SEM1: variants seen among roughly 807,000 people sequenced by gnomAD.
SEM1 encodes the protein 26S proteasome complex subunit SEM1.
Under a neutral mutation model 12.7 loss-of-function variants are expected in SEM1, and 3 were observed. That is an observed-to-expected ratio of 0.24 (90% CI 0.11 to 0.61). The LOEUF (loss-of-function observed/expected upper bound fraction) is 0.61. Ranked by LOEUF, SEM1 falls within the 20% of genes least tolerant of loss-of-function variation. SEM1 has a pLI of 0.88. For missense variants in SEM1, 59 were observed against 81.3 expected, an observed-to-expected ratio of 0.73 and a Z score of 1.06; for synonymous variants, 30 against 27.8, an observed-to-expected ratio of 1.08 and a Z score of -0.25.
chr7:96,652,345 G>T (rs1809026800), intron 2 of SEM1, among the ~76,000 whole-genome samples: 1 of 151,910 alleles, frequency 6.6e-6, no homozygotes, highest in African/African-American at 2.4e-5. Context: ...CTACATTAAG[G>T]ATGCAAATTA....
chr7:96,583,230 T>C (rs1278368379), intron 2 of SEM1, among the ~76,000 whole-genome samples: 8 of 148,702 alleles, frequency 5.4e-5, no homozygotes, highest in East Asian at 2.0e-4. Flanking sequence ...TCGTTATGTA[T>C]CCAGTAGTCA....
intron 2 of SEM1, among the ~76,000 whole-genome samples, chr7:96,659,179 C>T (rs1809284174): frequency 6.6e-6 from 1 of 151,540 alleles, no homozygotes; most frequent in Non-Finnish European, 1.5e-5. Context: ...AAATAAAAAG[C>T]AAAATAAAAA....
intron 1 of SEM1, among the ~76,000 whole-genome samples, chr7:96,707,117 A>G (rs999785289): frequency 2.0e-5 from 3 of 152,210 alleles, no homozygotes; most frequent in Non-Finnish European, 4.4e-5. Flanking sequence ...TAAAGCCCAC[A>G]CTGATTAAGT....
intron 2 of SEM1, among the ~76,000 whole-genome samples, chr7:96,680,209 C>A (rs1413986965): frequency 6.6e-6 from 1 of 152,162 alleles, no homozygotes; most frequent in South Asian, 2.1e-4. Context: ...GATATACACT[C>A]TTTTTTAGCT....
chr7:96,600,307 G>A (rs945250513), intron 2 of SEM1, among the ~76,000 whole-genome samples: 2 of 152,152 alleles, frequency 1.3e-5, no homozygotes, highest in African/African-American at 4.8e-5. Flanking sequence ...TTTGAGAACA[G>A]ACTCCAGAAT....
At chr7:96,641,492 G>A (rs1808608390) in intron 2 of SEM1, among the ~76,000 whole-genome samples, 1 of 151,980 alleles carries the variant, frequency 6.6e-6, no homozygotes, top group African/African-American at 2.4e-5. Context: ...GCTTTTCCCT[G>A]AGCACAAGAA....
intron 2 of SEM1, among the ~76,000 whole-genome samples, chr7:96,567,090 C>T (rs1466892955): frequency 6.6e-6 from 1 of 151,504 alleles, no homozygotes; most frequent in Non-Finnish European, 1.5e-5. Context: ...TTCTAAATTG[C>T]TCCCTACTCT....
intron 2 of SEM1, among the ~76,000 whole-genome samples, chr7:96,613,758 G>C (rs1032649402): frequency 6.6e-6 from 1 of 152,070 alleles, no homozygotes; most frequent in Non-Finnish European, 1.5e-5. Flanking sequence ...CTTTGAGTTT[G>C]ACATTTATAG....
At chr7:96,615,609 T>C (rs1807693777) in intron 2 of SEM1, among the ~76,000 whole-genome samples, 1 of 152,224 alleles carries the variant, frequency 6.6e-6, no homozygotes, top group South Asian at 2.1e-4. Flanking sequence ...TAAATTTTTA[T>C]GTATTTAGGA....
At chr7:96,522,891 CAAAAAAAAAAA>C (rs540895823) in intron 2 of SEM1, among the ~76,000 whole-genome samples, 1 of 87,686 alleles carries the variant, frequency 1.1e-5, no homozygotes, top group African/African-American at 4.7e-5. Flanking sequence ...AACTCCATCT[CAAAAAAAAAAA>C]AAAAAAAAAG....
chr7:96,495,884 C>T (rs1369959617), intron 1 of SEM1, among the ~76,000 whole-genome samples: 1 of 152,050 alleles, frequency 6.6e-6, no homozygotes, highest in East Asian at 1.9e-4. Flanking sequence ...ACACTCAGAC[C>T]TGCAACCTGA....
At chr7:96,493,496 A>T (rs1339668024) in intron 1 of SEM1, among the ~76,000 whole-genome samples, 3 of 152,000 alleles carry the variant, frequency 2.0e-5, no homozygotes, top group Non-Finnish European at 4.4e-5. Context: ...TATCCTCAAG[A>T]TTGGGTTATT....
chr7:96,604,113 C>T (rs182759842), intron 2 of SEM1, among the ~76,000 whole-genome samples: 157 of 152,218 alleles, frequency 1.0e-3, no homozygotes, highest in African/African-American at 3.7e-3. Context: ...GCAATGGAGA[C>T]AGCCCAGCAT....
At chr7:96,643,149 G>A (rs936270213) in intron 2 of SEM1, among the ~76,000 whole-genome samples, 2 of 151,900 alleles carry the variant, frequency 1.3e-5, no homozygotes, top group Admixed American at 1.3e-4. Flanking sequence ...TCCCACATAT[G>A]TGTCCATGTG....
At chr7:96,682,782 G>A (rs950606575) in intron 2 of SEM1, among the ~76,000 whole-genome samples, 1 of 151,854 alleles carries the variant, frequency 6.6e-6, no homozygotes, top group Non-Finnish European at 1.5e-5. Context: ...ATCTGACAAA[G>A]GATACATTGT....
intron 2 of SEM1, among the ~76,000 whole-genome samples, chr7:96,600,979 G>T (rs571289344): frequency 6.6e-6 from 1 of 152,316 alleles, no homozygotes; most frequent in African/African-American, 2.4e-5. Context: ...AATAGAAGAA[G>T]AGATGCTTGT....
At chr7:96,483,666 T>G in exon 4 of SEM1, 1 of 638,544 alleles carries the variant, frequency 1.6e-6, no homozygotes, top group South Asian at 1.8e-5. Flanking sequence ...GTATTAACAA[T>G]TAAATGCTTC....
chr7:96,706,410 A>G (rs1291692769), intron 1 of SEM1: 1 of 152,006 alleles, frequency 6.6e-6, no homozygotes, highest in South Asian at 2.1e-4. Flanking sequence ...CAAAAATACA[A>G]AATTAGCCGG....
At chr7:96,553,097 C>T (rs954514086) in intron 2 of SEM1, among the ~76,000 whole-genome samples, 3 of 151,964 alleles carry the variant, frequency 2.0e-5, no homozygotes, top group Non-Finnish European at 4.4e-5. Context: ...GGATATTAGC[C>T]CTTGTCAGAT....
Sources: gnomAD v4.1 joint callset for allele counts (sites outside exome capture counted in the v4.1 genomes callset) on GRCh38, gnomAD v4.1.1 for gene constraint, MANE v1.5 for transcripts, NCBI Gene and HGNC (gene_info 2026-07-23, HGNC 2026-07-21) for gene names.